Variants in EXD3 observed in about 807,000 individuals in gnomAD.
EXD3 encodes the protein exonuclease 3'-5' domain containing 3.
EXD3 carries 92 observed loss-of-function variants against 98.0 expected under a neutral mutation model. The observed-to-expected ratio is 0.94, with a 90% CI of 0.79 to 1.12. EXD3 has a LOEUF of 1.12. Ranked by LOEUF, EXD3 falls within the 50% of genes most tolerant of loss-of-function variation. The pLI is 0.00. For missense variants in EXD3, 1,222 were observed against 1,191.6 expected (o/e 1.03, Z -0.38); for synonymous variants, 569 against 526.0 (o/e 1.08, Z -1.12).
intron 19 of EXD3, among the ~76,000 whole-genome samples, chr9:137,311,988 C>T (rs1230004140): frequency 6.6e-6 from 1 of 152,190 alleles, no homozygotes; most frequent in Non-Finnish European, 1.5e-5. Flanking sequence ...GAGCCCCTGC[C>T]CTCCCATTTT....
intron 1 of EXD3, among the ~76,000 whole-genome samples, chr9:137,398,894 G>A (rs534072518): frequency 9.1e-5 from 13 of 142,952 alleles, no homozygotes; most frequent in South Asian, 2.3e-4. Context: ...ATGCACCCGC[G>A]TCCCCAAGAC....
chr9:137,312,823 G>T (rs1053392080), intron 19 of EXD3, among the ~76,000 whole-genome samples: 2 of 152,108 alleles, frequency 1.3e-5, no homozygotes, highest in African/African-American at 2.4e-5. Flanking sequence ...ACCACCAAGG[G>T]AGCGACCACA....
intron 19 of EXD3, among the ~76,000 whole-genome samples, chr9:137,311,785 C>A (rs1423817879): frequency 6.6e-6 from 1 of 152,204 alleles, no homozygotes; most frequent in Non-Finnish European, 1.5e-5. Flanking sequence ...CAGCGAGGGC[C>A]TCCCTGTCCA....
Position 137,372,953 on chromosome 9 carries a change from G to C in EXD3, c.414C>G (p.Cys138Trp), listed in dbSNP as rs776921943. The change falls in exon 5 of 22, where the codon TGC becomes TGG. Residue 138 changes from cysteine (C) to tryptophan (W), a missense_variant. Transcript: ENST00000340951. Reference sequence around the variant, plus strand: ...GGAGGCGGTGGACGTGTGCCAGCAGGCAGCTCCTGTCTGCATCCTGCAGCT... The same window carrying C: ...GGAGGCGGTGGACGTGTGCCAGCAGCCAGCTCCTGTCTGCATCCTGCAGCT... ...IFQLQDADRS[C>W]LLAHVHRLHH... 3.7e-6 allele frequency: 6 copies of C among 1,602,256 alleles called. No homozygotes were observed. Among genetic ancestry groups the C allele is most frequent in the Non-Finnish European group, 5.1e-6 (6 of 1,179,720 alleles).
At chr9:137,353,122 CGGCCTCCAAGCCTCCACCGGCCCTCCT>C in intron 10 of EXD3, 3 of 1,180,918 alleles carry the variant, frequency 2.5e-6, no homozygotes, top group Non-Finnish European at 3.2e-6. Flanking sequence ...CTGACCTTCC[CGGCCTCCAAGCCTCCACCGGCCCTCCT>C]GGCCTCCAAG....
In EXD3 at chr9:137,390,288, C is replaced by T. The variant is rs188622288; in HGVS notation, c.55+5015G>A. On this transcript the variant is annotated intron_variant, in intron 2 of 21. Transcript: ENST00000340951. Reference sequence around the variant, plus strand: ...TACTAAAAAAATACAAAAAATTAGCCGGGAGTGGCGGCGGGCACCTGTAGT... The same window carrying T: ...TACTAAAAAAATACAAAAAATTAGCTGGGAGTGGCGGCGGGCACCTGTAGT... Among the ~76,000 whole-genome samples, 87 of 150,814 alleles carry T rather than the reference C, an allele frequency of 5.8e-4. 1 individual carries two copies. Among genetic ancestry groups the T allele is most frequent in the African/African-American group, 1.9e-3 (80 of 41,038 alleles).
chr9:137,330,112 ACAGGAGC>A (rs1236792168), intron 17 of EXD3, among the ~76,000 whole-genome samples: 2 of 122,990 alleles, frequency 1.6e-5, no homozygotes, highest in African/African-American at 3.1e-5. Flanking sequence ...CAGGAGCTAC[ACAGGAGC>A]TACACAGGAG....
At chr9:137,369,434 C>T (rs1276343318) in intron 5 of EXD3, among the ~76,000 whole-genome samples, 1 of 152,218 alleles carries the variant, frequency 6.6e-6, no homozygotes, top group East Asian at 1.9e-4. Context: ...AACCCGCCCG[C>T]CCTCTGCTCC....
chr9:137,350,976 C>T, intron 14 of EXD3, 62 bp downstream of exon 14: 4 of 1,455,738 alleles, frequency 2.7e-6, no homozygotes, highest in South Asian at 2.5e-5. Flanking sequence ...TGGAGGGGCC[C>T]CAAGCAGCCC....
chr9:137,386,846 A>C (rs1317337000), intron 2 of EXD3, among the ~76,000 whole-genome samples: 1 of 110,784 alleles, frequency 9.0e-6, no homozygotes, highest in Non-Finnish European at 1.9e-5. Context: ...TGCCTCCCTC[A>C]GCACCCCTGC....
chr9:137,399,216 C>A (rs1406751238), intron 1 of EXD3, among the ~76,000 whole-genome samples: 2 of 152,198 alleles, frequency 1.3e-5, no homozygotes, highest in African/African-American at 4.8e-5. Context: ...AATCTGATGC[C>A]CCCTGACTCG....
chr9:137,327,644 G>A (rs1278747241), intron 17 of EXD3, among the ~76,000 whole-genome samples: 2 of 141,178 alleles, frequency 1.4e-5, no homozygotes, highest in African/African-American at 5.3e-5. Context: ...ACACCCATAT[G>A]ATGAGTAAAA....
Position 137,352,628 on chromosome 9 carries a change from G to A in EXD3, c.1029C>T (p.Leu343=), listed in dbSNP as rs924254114. The A allele has an allele frequency of 4.5e-6, 7 of 1,545,176 alleles. No homozygotes were observed. The highest frequency in any genetic ancestry group is 4.0e-5 in the Admixed American group (2 of 50,330). ...ACCCTGGCGGCGCTCACCTCCCCTG[G>A]AGCCTGAACCGGCGGAGTTCCACAG... The part of the protein sequence containing the change: ...AVAVELRRFR[L]QGRATEADSR... The change falls in exon 11 of 22, where the codon CTC becomes CTT. Residue 343 remains leucine, a synonymous_variant. Coordinates refer to ENST00000340951, the MANE Select transcript of EXD3 (RefSeq NM_017820.5).
At chr9:137,364,807 C>T (rs1265171557) in intron 7 of EXD3, among the ~76,000 whole-genome samples, 12 of 137,412 alleles carry the variant, frequency 8.7e-5, no homozygotes, top group South Asian at 2.4e-4. Context: ...CTCGCTCTGT[C>T]GCCCAGGCTG....
At chr9:137,406,283 G>A (rs1837709254) in intron 1 of EXD3, among the ~76,000 whole-genome samples, 1 of 148,206 alleles carries the variant, frequency 6.7e-6, no homozygotes, top group African/African-American at 2.5e-5. Flanking sequence ...TAAAAGGCAA[G>A]GAAAAAGGAA....
intron 7 of EXD3, among the ~76,000 whole-genome samples, chr9:137,362,506 A>AT (rs35995834): frequency 0.018 from 2,514 of 143,286 alleles, 56 homozygotes; most frequent in African/African-American, 0.051. Flanking sequence ...GAACTTCCTC[A>AT]TTTTTTTTTT....
chr9:137,410,988 T>A (rs1480833431), intron 1 of EXD3, among the ~76,000 whole-genome samples: 2 of 152,144 alleles, frequency 1.3e-5, no homozygotes, highest in African/African-American at 4.8e-5. Flanking sequence ...TGACTGTGCC[T>A]GGAGCCCCAG....
intron 9 of EXD3, 21 bp from the exon 10 acceptor site, chr9:137,354,398 G>A (rs371476611): frequency 9.3e-6 from 15 of 1,612,204 alleles, no homozygotes; most frequent in African/African-American, 1.3e-5. Context: ...AAACAGGAAG[G>A]GGCGGTTGCC....
chr9:137,375,698 G>T (rs572170314), intron 3 of EXD3, among the ~76,000 whole-genome samples: 3 of 152,094 alleles, frequency 2.0e-5, no homozygotes, highest in Admixed American at 2.0e-4. Context: ...GCTTTCGTGA[G>T]TTCTAGCCCT....
Sources: gnomAD v4.1 joint callset for allele counts (sites outside exome capture counted in the v4.1 genomes callset) on GRCh38, gnomAD v4.1.1 for gene constraint, MANE v1.5 for transcripts, NCBI Gene and HGNC (gene_info 2026-07-23, HGNC 2026-07-21) for gene names.